EPHX2: variants seen among roughly 807,000 people sequenced by gnomAD.
EPHX2 encodes bifunctional epoxide hydrolase 2.
Under a neutral mutation model 78.7 loss-of-function variants are expected in EPHX2, and 74 were observed. The observed-to-expected ratio is 0.94, with a 90% CI of 0.78 to 1.14. The LOEUF is 1.14. Among genes scored for constraint, EPHX2 ranks in the 50% most tolerant of loss-of-function variants. The probability of loss-of-function intolerance (pLI) is 0.00; values close to 1 mark genes in which losing one functional copy is unlikely to be tolerated. For missense variants in EPHX2, 715 were observed against 702.5 expected, an observed-to-expected ratio of 1.02 and a Z score of -0.20; for synonymous variants, 251 against 255.2, an observed-to-expected ratio of 0.98 and a Z score of 0.16.
chr8:27,518,235 G>A (rs72475854), intron 9 of EPHX2, among the ~76,000 whole-genome samples, 163 bp downstream of exon 9: 9 of 152,290 alleles, frequency 5.9e-5, no homozygotes, highest in African/African-American at 2.2e-4. Context: ...TAGCCCACAT[G>A]TATGCAGCAT....
Position 27,504,939 on chromosome 8 carries a change from G to T in EPHX2, c.347-17G>T. ...AAGGTCTGTAGCTGGTCTATCTACT[G>T]GTGGCTTTTTGCTCAGGATTCACTA... On this transcript the variant is annotated splice_polypyrimidine_tract_variant and intron_variant, in intron 3 of 18. Coordinates refer to ENST00000521400, the MANE Select transcript of EPHX2 (RefSeq NM_001979.6). The T allele has an allele frequency of 6.2e-7, 1 of 1,613,164 alleles. No individual in the cohort carries two copies. The highest frequency in any genetic ancestry group is 1.1e-5 in the South Asian group (1 of 90,924).
In EPHX2 at chr8:27,495,456, C is replaced by T. The variant is rs923520951; in HGVS notation, c.101+4147C>T. Among the ~76,000 whole-genome samples the T allele has an allele frequency of 6.6e-5, 10 of 152,300 alleles. No homozygotes were observed. The East Asian group carries it at 1.7e-3, about 26-fold the overall frequency. ...TAAGGGGACTTCTAAGAGATCATCT[C>T]GGGCAGCATAAGTCTGGGCTACAAT... On this transcript the variant is annotated intron_variant, in intron 1 of 18. Coordinates refer to ENST00000521400, the MANE Select transcript of EPHX2 (RefSeq NM_001979.6).
In EPHX2 at chr8:27,501,387, CTTCTTCT is replaced by C. The variant is rs1554519565; in HGVS notation, c.186+401_186+407del. ...TCTTCTTCTTCTTCTTCTTCTTCTT[CTTCTTCT>C]TTCTTCTTTCTTCTTTCTTCTTTTT... On this transcript the variant is annotated intron_variant, in intron 2 of 18. Coordinates refer to ENST00000521400, the MANE Select transcript of EPHX2 (RefSeq NM_001979.6). 5.3e-4 allele frequency among the ~76,000 whole-genome samples: 36 copies of C among 67,540 alleles called. 2 individuals are homozygous for C. The highest frequency in any genetic ancestry group is 2.3e-3 in the African/African-American group (31 of 13,406). The allele number at this position is 67,540 out of a possible 152,430, so 44.3% of individuals were successfully genotyped here. A position where few individuals can be genotyped will look rare whatever the true frequency, so the allele number is the denominator to read the frequency against.
At chr8:27,506,182 T>A (rs1029065311) in intron 4 of EPHX2, among the ~76,000 whole-genome samples, 1 of 151,936 alleles carries the variant, frequency 6.6e-6, no homozygotes, top group Non-Finnish European at 1.5e-5. Flanking sequence ...GTAACGGGGG[T>A]CTCACTATAT....
At chr8:27,543,965 C>A in intron 17 of EPHX2, 136 bp downstream of exon 17, 1 of 1,001,512 alleles carries the variant, frequency 1.0e-6, no homozygotes, top group Non-Finnish European at 1.5e-6. Context: ...TCAGTAACAT[C>A]ACTGTCCCCC....
rs554529874 is a variant in EPHX2 at position 27,511,896 on chromosome 8, T to C, written c.721T>C (p.Tyr241His). ...CAATCCAAGTGACATGAGCCATGGG[T>C]ACGTGACAGTAAAGGTGAGTCAGTT... ...SCNPSDMSHG[Y>H]VTVKPRVRLH... Residue 241 changes from tyrosine to histidine, a missense_variant, in exon 6 of 19, where the codon TAC becomes CAC. Coordinates refer to ENST00000521400, the MANE Select transcript of EPHX2 (RefSeq NM_001979.6). 37 of 1,614,086 alleles carry C rather than the reference T, an allele frequency of 2.3e-5. No individual in the cohort carries two copies. In the South Asian group the frequency reaches 3.6e-4, roughly 16 times the overall value.
intron 6 of EPHX2, among the ~76,000 whole-genome samples, chr8:27,513,661 T>C (rs1284162207): frequency 2.0e-5 from 3 of 151,960 alleles, no homozygotes; most frequent in Non-Finnish European, 4.4e-5. Context: ...TGGACATTTT[T>C]CTTAACACAG....
chr8:27,542,862 A>C (rs563485950), intron 16 of EPHX2, among the ~76,000 whole-genome samples: 5 of 152,120 alleles, frequency 3.3e-5, no homozygotes, highest in African/African-American at 1.2e-4. Flanking sequence ...GGGTGGTCTC[A>C]AACTCCTGAG....
chr8:27,512,853 C>T (rs1243703575), intron 6 of EPHX2, among the ~76,000 whole-genome samples: 1 of 152,202 alleles, frequency 6.6e-6, no homozygotes, highest in African/African-American at 2.4e-5. Context: ...AATAATATCT[C>T]TCCATGCCAT....
At chr8:27,507,623 C>G (rs1814063722) in intron 5 of EPHX2, among the ~76,000 whole-genome samples, 1 of 152,232 alleles carries the variant, frequency 6.6e-6, no homozygotes, top group South Asian at 2.1e-4. Flanking sequence ...AGCTGGCACT[C>G]AGCTGAGGCT....
At position 27,501,324 on chromosome 8, in the gene EPHX2, T is replaced by C. The variant is rs570675658; in HGVS notation, c.186+314T>C. On this transcript the variant is annotated intron_variant, in intron 2 of 18. Coordinates refer to ENST00000521400, the MANE Select transcript of EPHX2 (RefSeq NM_001979.6). ...TAAGAAAGAGGGAAATGCTATATATTTTCTTCTTCTTCTTCTTCTTCTTCT... is the reference window on the plus strand; with the variant it reads ...TAAGAAAGAGGGAAATGCTATATATCTTCTTCTTCTTCTTCTTCTTCTTCT... Among the ~76,000 whole-genome samples the C allele has an allele frequency of 1.6e-3, 162 of 102,988 alleles. 2 individuals carry two copies. Among genetic ancestry groups the C allele is most frequent in the South Asian group, 0.012 (32 of 2,582 alleles). The allele number at this position is 102,988 out of a possible 152,430, so 67.6% of individuals were successfully genotyped here.
chr8:27,520,311 G>GTGCA (rs1814601979), intron 9 of EPHX2, among the ~76,000 whole-genome samples: 1 of 151,374 alleles, frequency 6.6e-6, no homozygotes, highest in African/African-American at 2.4e-5. Context: ...GATTACAGGC[G>GTGCA]CCGGCCACCG....
intron 9 of EPHX2, among the ~76,000 whole-genome samples, chr8:27,519,562 T>A (rs1017244311): frequency 1.3e-5 from 2 of 152,224 alleles, no homozygotes; most frequent in African/African-American, 4.8e-5. Flanking sequence ...ATACACTGAA[T>A]AATTCACTGT....
chr8:27,500,817 A>C (rs1292707941), intron 1 of EPHX2, 109 bp from the exon 2 acceptor site: 2 of 987,298 alleles, frequency 2.0e-6, no homozygotes, highest in African/African-American at 1.6e-5. Context: ...AGTTCCTGGC[A>C]GTATCCCTTT....
chr8:27,496,617 G>A (rs547091630), intron 1 of EPHX2, among the ~76,000 whole-genome samples: 8 of 152,188 alleles, frequency 5.3e-5, no homozygotes, highest in Non-Finnish European at 7.3e-5. Context: ...TCCACTGAAC[G>A]TTCGGTTTTT....
chr8:27,502,500 G>A (rs1585187774), intron 2 of EPHX2, among the ~76,000 whole-genome samples: 1 of 152,222 alleles, frequency 6.6e-6, no homozygotes, highest in Non-Finnish European at 1.5e-5. Flanking sequence ...ATATGCCATA[G>A]ACTGTGTGAC....
intron 10 of EPHX2, 105 bp from the exon 11 acceptor site, chr8:27,522,318 G>T: frequency 9.9e-7 from 1 of 1,005,794 alleles, no homozygotes; most frequent in South Asian, 1.5e-5. Flanking sequence ...GCTGTGGGTC[G>T]GGGGAGGAGA....
intron 1 of EPHX2, among the ~76,000 whole-genome samples, chr8:27,496,292 G>A (rs1813570037): frequency 6.6e-6 from 1 of 152,204 alleles, no homozygotes; most frequent in Non-Finnish European, 1.5e-5. Context: ...ACATACTGAA[G>A]GACCAGAGTG....
intron 12 of EPHX2, 148 bp downstream of exon 12, chr8:27,525,621 G>A: frequency 1.3e-6 from 1 of 746,036 alleles, no homozygotes; most frequent in East Asian, 2.6e-5. Flanking sequence ...GGTGAAACTG[G>A]CTGCCATGCC....
Sources: allele counts gnomAD v4.1 joint callset (sites outside exome capture counted in the v4.1 genomes callset), GRCh38; gene constraint gnomAD v4.1.1; transcripts MANE v1.5; gene names NCBI Gene and HGNC (gene_info 2026-07-23, HGNC 2026-07-21).